The following APLF variants were observed in gnomAD, a reference collection of about 807,000 sequenced individuals.
APLF encodes aprataxin and PNK-like factor.
A neutral mutation model predicts 55.6 loss-of-function variants in APLF; 61 were observed. The observed-to-expected ratio is 1.10, with a 90% CI of 0.89 to 1.36. APLF has a LOEUF of 1.36. Ranked by LOEUF, APLF falls within the 40% of genes most tolerant of loss-of-function variation. The pLI is 0.00. For synonymous variants in APLF, 207 were observed against 214.8 expected (o/e 0.96, Z 0.32); for missense variants, 611 against 602.5 (o/e 1.01, Z -0.15).
At chr2:68,577,123 G>A (rs113244291) in intron 9 of APLF, among the ~76,000 whole-genome samples, 1 of 152,150 alleles carries the variant, frequency 6.6e-6, no homozygotes, top group Non-Finnish European at 1.5e-5. Context: ...GAATATCTTA[G>A]ACCTATAAAA....
chr2:68,551,234 T>G (rs537391756), intron 8 of APLF, among the ~76,000 whole-genome samples: 40 of 152,260 alleles, frequency 2.6e-4, no homozygotes, highest in South Asian at 6.2e-4. Flanking sequence ...CCATTATATT[T>G]TTAAATCAAT....
chr2:68,569,344 G>A (rs537164043), intron 9 of APLF, among the ~76,000 whole-genome samples: 46 of 152,222 alleles, frequency 3.0e-4, no homozygotes, highest in African/African-American at 1.1e-3. Context: ...GTAAAAGTTG[G>A]CCTTTAAGAT....
chr2:68,541,486 A>C (rs1670548491), intron 7 of APLF, among the ~76,000 whole-genome samples: 1 of 152,210 alleles, frequency 6.6e-6, no homozygotes, highest in South Asian at 2.1e-4. Context: ...GCACTGCACA[A>C]AAGAGAACAG....
chr2:68,540,198 C>T (rs1399321583), intron 7 of APLF, among the ~76,000 whole-genome samples: 1 of 151,192 alleles, frequency 6.6e-6, no homozygotes, highest in Non-Finnish European at 1.5e-5. Context: ...ATGTGATGTT[C>T]CCCTCCCTGT....
At chr2:68,502,032 A>T (rs1385185586) in intron 2 of APLF, among the ~76,000 whole-genome samples, 1 of 152,122 alleles carries the variant, frequency 6.6e-6, no homozygotes, top group Non-Finnish European at 1.5e-5. Flanking sequence ...CATGCATGAG[A>T]GAGTGAGCAA....
At chr2:68,470,846 C>A (rs78892733) in intron 1 of APLF, among the ~76,000 whole-genome samples, 5,687 of 152,250 alleles carry the variant, frequency 0.037, 156 homozygotes, top group Non-Finnish European at 0.055. Context: ...CAGGGAAGGT[C>A]ATAGGCTTCA....
intron 6 of APLF, among the ~76,000 whole-genome samples, chr2:68,532,064 T>G (rs566645889): frequency 8.5e-5 from 13 of 152,148 alleles, no homozygotes; most frequent in Non-Finnish European, 1.6e-4. Flanking sequence ...CCAGAGAATA[T>G]GACTTAGACT....
intron 8 of APLF, among the ~76,000 whole-genome samples, chr2:68,551,332 T>C (rs1053068043): frequency 1.3e-5 from 2 of 152,104 alleles, no homozygotes; most frequent in Admixed American, 1.3e-4. Flanking sequence ...TATTTTTCTT[T>C]GTATTCCATC....
At chr2:68,561,518 A>G (rs1671166801) in intron 8 of APLF, among the ~76,000 whole-genome samples, 1 of 152,104 alleles carries the variant, frequency 6.6e-6, no homozygotes, top group Non-Finnish European at 1.5e-5. Context: ...ACTAGAGCTA[A>G]GTGTCTTACA....
intron 1 of APLF, among the ~76,000 whole-genome samples, chr2:68,469,897 C>T (rs1470786200): frequency 6.6e-6 from 1 of 152,118 alleles, no homozygotes; most frequent in Non-Finnish European, 1.5e-5. Context: ...CTTCACAAAC[C>T]TTGATGGCCA....
chr2:68,538,054 G>T lies in APLF; in HGVS notation c.987G>T (p.Ser329=). ...DEAMSCSENC[S]SAQGDSLQDE... ...CAATGAGCTGTTCTGAAAATTGTTC[G>T]AGTGCCCAGGGCGACTCACTTCAGG... The change falls in exon 7 of 10, where the codon TCG becomes TCT. Residue 329 remains serine, a synonymous_variant. Transcript: ENST00000303795. The T allele has an allele frequency of 6.2e-7, 1 of 1,614,082 alleles. No homozygotes were observed. Among genetic ancestry groups the T allele is most frequent in the East Asian group, 2.2e-5 (1 of 44,878 alleles).
At chr2:68,535,749 C>T (rs1670368723) in intron 6 of APLF, among the ~76,000 whole-genome samples, 1 of 151,880 alleles carries the variant, frequency 6.6e-6, no homozygotes, top group African/African-American at 2.4e-5. Flanking sequence ...CAGCCCTTTC[C>T]CTTTATGGTT....
At chr2:68,576,365 A>C (rs751236695) in intron 9 of APLF, among the ~76,000 whole-genome samples, 68 of 152,246 alleles carry the variant, frequency 4.5e-4, no homozygotes, top group Admixed American at 1.7e-3. Flanking sequence ...CATGCCCTCA[A>C]GATGTTTACA....
At chr2:68,487,414 TATTG>T (rs1013713783) in intron 1 of APLF, among the ~76,000 whole-genome samples, 3 of 152,092 alleles carry the variant, frequency 2.0e-5, no homozygotes, top group African/African-American at 7.2e-5. Context: ...CCCTACTACT[TATTG>T]GTTGTGTAAC....
intron 2 of APLF, among the ~76,000 whole-genome samples, chr2:68,492,130 T>G (rs895752559): frequency 6.6e-6 from 1 of 152,212 alleles, no homozygotes; most frequent in African/African-American, 2.4e-5. Flanking sequence ...GAGTTGTGTC[T>G]ATACTTGGCT....
At position 68,578,154 on chromosome 2, in the gene APLF, C is replaced by T. The variant is rs777970678; in HGVS notation, c.*132C>T. ...TAGTTAATGACTTTTACTACTGACT[C>T]TTTACAAATGAGACATTGAAACGTC... On this transcript the variant is annotated 3_prime_UTR_variant, in exon 10 of 10. Transcript: ENST00000303795. 5.0e-5 allele frequency: 72 copies of T among 1,428,148 alleles called. No individual in the cohort carries two copies. The highest frequency in any genetic ancestry group is 6.1e-5 in the Non-Finnish European group (67 of 1,094,912). 88.5% of individuals were successfully genotyped at this position (1,428,148 alleles called of 1,614,324 possible). A position where few individuals can be genotyped will look rare whatever the true frequency, so the allele number is the denominator to read the frequency against.
chr2:68,570,450 C>T (rs988615171), intron 9 of APLF, among the ~76,000 whole-genome samples: 2 of 151,774 alleles, frequency 1.3e-5, no homozygotes, highest in African/African-American at 2.4e-5. Flanking sequence ...CCACTCCCCC[C>T]ACCCCACAAC....
intron 3 of APLF, among the ~76,000 whole-genome samples, chr2:68,503,567 C>T (rs1394702243): frequency 2.0e-5 from 3 of 152,074 alleles, no homozygotes; most frequent in Non-Finnish European, 4.4e-5. Context: ...AATAGCTACA[C>T]AAATATACAA....
intron 3 of APLF, among the ~76,000 whole-genome samples, chr2:68,507,736 G>C (rs1260704595): frequency 6.6e-6 from 1 of 151,922 alleles, no homozygotes; most frequent in East Asian, 1.9e-4. Flanking sequence ...ATTAAACTGA[G>C]TGATAATGTG....
Sources: allele counts gnomAD v4.1 joint callset (sites outside exome capture counted in the v4.1 genomes callset), GRCh38; gene constraint gnomAD v4.1.1; transcripts MANE v1.5; gene names NCBI Gene and HGNC (gene_info 2026-07-23, HGNC 2026-07-21).